Variants in ELF1 observed in about 807,000 individuals in gnomAD.
ELF1 encodes the protein E74 like ETS transcription factor 1, also known as ETS-related transcription factor Elf-1.
A neutral mutation model predicts 59.9 loss-of-function variants in ELF1; 24 were observed. The ratio of observed to expected loss-of-function variants is 0.40; its 90% CI spans 0.29 to 0.56. The LOEUF (loss-of-function observed/expected upper bound fraction) is 0.56, where lower values mean the gene tolerates loss of function less well. Ranked by LOEUF, ELF1 falls within the 20% of genes least tolerant of loss-of-function variation. The pLI is 0.44. For missense variants in ELF1, 627 were observed against 742.2 expected, an observed-to-expected ratio of 0.84 and a Z score of 1.80; for synonymous variants, 248 against 266.2, an observed-to-expected ratio of 0.93 and a Z score of 0.67.
intron 2 of ELF1, among the ~76,000 whole-genome samples, chr13:40,959,959 CAG>C (rs1423119582): frequency 2.0e-5 from 3 of 152,254 alleles, no homozygotes; most frequent in Admixed American, 6.5e-5. Flanking sequence ...GAGATAATCG[CAG>C]ACTTATAAAA....
chr13:41,016,947 AATATATATATAT>A (rs1276103107), intron 1 of ELF1, among the ~76,000 whole-genome samples: 48 of 24,728 alleles, frequency 1.9e-3, no homozygotes, highest in Middle Eastern at 0.028. Context: ...AAAAAAAAAA[AATATATATATAT>A]ATATATATAT....
chr13:40,996,197 G>A (rs886981392), intron 1 of ELF1, among the ~76,000 whole-genome samples: 9 of 152,146 alleles, frequency 5.9e-5, no homozygotes, highest in Non-Finnish European at 1.5e-5. Flanking sequence ...TGGAACAATA[G>A]GAATTCTCAT....
intron 8 of ELF1, among the ~76,000 whole-genome samples, chr13:40,938,660 T>C (rs1355303726): frequency 6.6e-6 from 1 of 152,156 alleles, no homozygotes; most frequent in Non-Finnish European, 1.5e-5. Context: ...TCACTATATG[T>C]AAAGTGTATG....
At chr13:40,992,156 T>C (rs1459459862) in intron 1 of ELF1, among the ~76,000 whole-genome samples, 1 of 152,238 alleles carries the variant, frequency 6.6e-6, no homozygotes, top group Non-Finnish European at 1.5e-5. Flanking sequence ...CTGATAATTA[T>C]TTTATTTGTC....
intron 1 of ELF1, among the ~76,000 whole-genome samples, chr13:40,989,033 A>C (rs975309633): frequency 2.6e-5 from 4 of 152,190 alleles, no homozygotes; most frequent in South Asian, 2.1e-4. Flanking sequence ...CCTGAGCTCA[A>C]GTGATCTGCC....
chr13:40,995,439 G>A lies in ELF1; in HGVS notation c.-228-13157C>T, dbSNP rs115844615. 2.0e-3 allele frequency among the ~76,000 whole-genome samples: 306 copies of A among 152,184 alleles called. 2 individuals carry two copies. The highest frequency in any genetic ancestry group is 7.1e-3 in the African/African-American group (293 of 41,530). On this transcript the variant is annotated intron_variant, in intron 1 of 8. Transcript: ENST00000239882. ...GAATACCTAGACTGGAGAAGTGAACGGAAATATTCTATGGATTGAGCTTAA... is the reference window on the plus strand; with the variant it reads ...GAATACCTAGACTGGAGAAGTGAACAGAAATATTCTATGGATTGAGCTTAA...
intron 1 of ELF1, among the ~76,000 whole-genome samples, chr13:41,018,864 T>C (rs547434881): frequency 6.6e-6 from 1 of 152,344 alleles, no homozygotes; most frequent in East Asian, 1.9e-4. Context: ...TTTACTTAAC[T>C]GTAACTTCAA....
Position 40,932,124 on chromosome 13 carries a change from T to C in ELF1, c.*1301A>G, listed in dbSNP as rs1296728252. ...TTTAAATTTTTGTTTAAATACAAAT[T>C]CACTCTGTAATATGAAAACATAGCA... On this transcript the variant is annotated 3_prime_UTR_variant, in exon 9 of 9. Coordinates refer to ENST00000239882, the MANE Select transcript of ELF1 (RefSeq NM_172373.4). 1.3e-5 allele frequency: 2 copies of C among 152,160 alleles called. No individual in the cohort carries two copies. The highest frequency in any genetic ancestry group is 6.5e-5 in the Admixed American group (1 of 15,274). The allele number at this position is 152,160 out of a possible 1,614,324, so 9.4% of individuals were successfully genotyped here.
intron 2 of ELF1, among the ~76,000 whole-genome samples, chr13:40,975,119 G>C (rs1872823930): frequency 6.6e-6 from 1 of 152,200 alleles, no homozygotes; most frequent in African/African-American, 2.4e-5. Context: ...GTAAATAACA[G>C]AGGATCCACT....
intron 1 of ELF1, among the ~76,000 whole-genome samples, chr13:41,029,836 C>A (rs936654506): frequency 3.9e-5 from 6 of 152,114 alleles, no homozygotes; most frequent in Non-Finnish European, 8.8e-5. Flanking sequence ...GGAAAGACTG[C>A]AGTTACCAAA....
At chr13:41,002,412 G>C (rs987769941) in intron 1 of ELF1, among the ~76,000 whole-genome samples, 1 of 151,946 alleles carries the variant, frequency 6.6e-6, no homozygotes, top group East Asian at 1.9e-4. Context: ...GGAGGCCAGA[G>C]TGGGTGGATC....
Position 40,940,953 on chromosome 13 carries a change from A to T in ELF1, c.1224T>A (p.Asp408Glu). ...GEAARTSTMQ[D>E]ETLNSSVQSI... ...TCTGAACGGAAGAATTTAATGTTTC[A>T]TCCTGCATGGTACTGGTTCTAGCTG... The change falls in exon 8 of 9, where the codon GAT becomes GAA. Residue 408 changes from aspartate to glutamate, a missense_variant. Around this residue, in one of 3 missense-constraint regions of ELF1, gnomAD observed 361 missense variants for 396.1 expected, o/e 0.91. Coordinates refer to ENST00000239882, the MANE Select transcript of ELF1 (RefSeq NM_172373.4). 6.2e-7 allele frequency: 1 copy of T among 1,613,978 alleles called. No individual in the cohort carries two copies. Among genetic ancestry groups the T allele is most frequent in the Non-Finnish European group, 8.5e-7 (1 of 1,179,976 alleles).
At chr13:41,055,266 A>G (rs1181176491) in intron 1 of ELF1, among the ~76,000 whole-genome samples, 1 of 152,022 alleles carries the variant, frequency 6.6e-6, no homozygotes, top group Admixed American at 6.6e-5. Context: ...TACAGACCCT[A>G]ATCTATTTTC....
At chr13:40,966,192 T>C (rs1312144516) in intron 2 of ELF1, among the ~76,000 whole-genome samples, 2 of 152,226 alleles carry the variant, frequency 1.3e-5, no homozygotes, top group Admixed American at 1.3e-4. Context: ...AGGGAAGATC[T>C]CCTGGAACTA....
At position 41,003,733 on chromosome 13, in the gene ELF1, T is replaced by C. The variant is rs564382893; in HGVS notation, c.-229+15495A>G. ...TGAATGGCTAGACATTTTTTCCAGA[T>C]TGAAGCCAAAAGTAAGAGATTTTTG... is the stretch of plus-strand genomic sequence containing the variant. On this transcript the variant is annotated intron_variant, in intron 1 of 8. Coordinates refer to ENST00000239882, the MANE Select transcript of ELF1 (RefSeq NM_172373.4). Among the ~76,000 whole-genome samples the C allele has an allele frequency of 1.2e-4, 18 of 152,300 alleles. No individual in the cohort carries two copies. In the South Asian group the frequency reaches 3.3e-3, roughly 28 times the overall value.
chr13:40,945,194 C>T (rs1870432231), intron 5 of ELF1, among the ~76,000 whole-genome samples: 3 of 152,096 alleles, frequency 2.0e-5, no homozygotes, highest in South Asian at 2.1e-4. Context: ...AAATAGATAT[C>T]GTCTTTATTT....
At chr13:41,028,933 C>CG (rs1876055871) in intron 1 of ELF1, among the ~76,000 whole-genome samples, 1 of 151,594 alleles carries the variant, frequency 6.6e-6, no homozygotes, top group East Asian at 1.9e-4. Flanking sequence ...TTTTTAGAGA[C>CG]GGGGTTTCAC....
chr13:41,018,679 TTAATA>T (rs1379746624), intron 1 of ELF1, among the ~76,000 whole-genome samples: 3 of 152,116 alleles, frequency 2.0e-5, no homozygotes, highest in African/African-American at 7.2e-5. Context: ...AATGAAACAT[TTAATA>T]TAATTTCATT....
intron 1 of ELF1, among the ~76,000 whole-genome samples, chr13:41,024,629 G>A (rs966866371): frequency 1.3e-5 from 2 of 151,880 alleles, no homozygotes; most frequent in African/African-American, 2.4e-5. Flanking sequence ...CGCCTGCCTC[G>A]GCCTCCCAAT....
Sources: gnomAD v4.1 joint callset for allele counts (sites outside exome capture counted in the v4.1 genomes callset) on GRCh38, gnomAD v4.1.1 for gene constraint, gnomAD v4.1.1 regional missense constraint, MANE v1.5 for transcripts, NCBI Gene and HGNC (gene_info 2026-07-23, HGNC 2026-07-21) for gene names.